C14orf39: variants seen among roughly 807,000 people sequenced by gnomAD.
The protein encoded by C14orf39 is chromosome 14 open reading frame 39.
A neutral mutation model predicts 85.6 loss-of-function variants in C14orf39; 66 were observed. The ratio of observed to expected loss-of-function variants is 0.77; its 90% CI spans 0.63 to 0.95. The LOEUF is 0.95. Ranked by LOEUF, C14orf39 falls within the 40% of genes least tolerant of loss-of-function variation. The pLI, the probability that C14orf39 is intolerant of heterozygous loss-of-function variation, is 0.00. For synonymous variants in C14orf39, 242 were observed against 214.0 expected, an observed-to-expected ratio of 1.13 and a Z score of -1.14; for missense variants, 735 against 663.9, an observed-to-expected ratio of 1.11 and a Z score of -1.18.
chr14:60,458,707 G>T lies in C14orf39; in HGVS notation c.1150C>A (p.Gln384Lys). 1.2e-6 allele frequency: 2 copies of T among 1,602,474 alleles called. No homozygotes were observed. Among genetic ancestry groups the T allele is most frequent in the Non-Finnish European group, 8.5e-7 (1 of 1,174,124 alleles). ...AEYGDKGTVR[Q>K]VRESKCTSQA... is the part of the protein sequence containing the mutation. ...GAAGTACATTTTGATTCTCTTACTT[G>T]TCTTACTGTCCCTTTATCTCCATAC... Residue 384 changes from glutamine to lysine, a missense_variant, in exon 14 of 18, where the codon CAA (glutamine) becomes AAA (lysine). Gln to Lys is a moderately conservative substitution (Grantham distance 53). Coordinates refer to ENST00000321731, the MANE Select transcript of C14orf39 (RefSeq NM_174978.3).
chr14:60,500,319 G>T (rs538277901), intron 1 of C14orf39, among the ~76,000 whole-genome samples: 2 of 152,308 alleles, frequency 1.3e-5, no homozygotes, highest in East Asian at 3.9e-4. Flanking sequence ...CAGCCACCAC[G>T]CCTGGCTGGG....
chr14:60,460,897 C>T (rs1439750067), intron 13 of C14orf39, among the ~76,000 whole-genome samples: 3 of 151,068 alleles, frequency 2.0e-5, no homozygotes, highest in African/African-American at 4.9e-5. Context: ...GAAAAAAAAC[C>T]AAAATATTCC....
Position 60,491,978 on chromosome 14 carries a change from C to T in C14orf39, c.-8-6892G>A, listed in dbSNP as rs1892996099. ...CACCAGGTACAACTACAGGTGCTTCCCTATTGATCATGTATTTACAAGCCA... is the reference window on the plus strand; with the variant it reads ...CACCAGGTACAACTACAGGTGCTTCTCTATTGATCATGTATTTACAAGCCA... On this transcript the variant is annotated intron_variant, in intron 2 of 5. Coordinates refer to the C14orf39 transcript ENST00000556799. This position sits in a 1 kb window ranked among gnomAD's most constrained non-coding sequence, Gnocchi z 4.5. Among the ~76,000 whole-genome samples, 1 of 152,076 alleles carries T rather than the reference C, an allele frequency of 6.6e-6. No individual in the cohort carries two copies. Among genetic ancestry groups the T allele is most frequent in the African/African-American group, 2.4e-5 (1 of 41,404 alleles).
intron 5 of C14orf39, among the ~76,000 whole-genome samples, chr14:60,473,545 G>T (rs1050799923): frequency 6.6e-6 from 1 of 152,062 alleles, no homozygotes; most frequent in Non-Finnish European, 1.5e-5. Flanking sequence ...GGTCTAACAT[G>T]TAAGTCTTTA....
intron 13 of C14orf39, among the ~76,000 whole-genome samples, chr14:60,459,141 A>G (rs1891407040): frequency 6.6e-6 from 1 of 151,802 alleles, no homozygotes; most frequent in South Asian, 2.1e-4. Context: ...ATAAAATAAC[A>G]TATGTATGCT....
chr14:60,451,058 C>A (rs936570565), intron 16 of C14orf39, among the ~76,000 whole-genome samples: 11 of 152,136 alleles, frequency 7.2e-5, no homozygotes, highest in Non-Finnish European at 1.6e-4. Context: ...TAGACACCAA[C>A]AACAACTACA....
At chr14:60,482,879 G>GGTGTGTGT (rs60206941) in intron 4 of C14orf39, among the ~76,000 whole-genome samples, 8,069 of 146,540 alleles carry the variant, frequency 0.055, 285 homozygotes, top group East Asian at 0.075. Context: ...TATATAGACA[G>GGTGTGTGT]GTGTGTGTGT....
intron 2 of C14orf39, among the ~76,000 whole-genome samples, chr14:60,497,255 G>A (rs1893080999): frequency 6.6e-6 from 1 of 152,156 alleles, no homozygotes; most frequent in Non-Finnish European, 1.5e-5. Context: ...AGCAATGTCT[G>A]TTATAAACTC....
intron 17 of C14orf39, among the ~76,000 whole-genome samples, chr14:60,437,468 A>G (rs1890309199): frequency 1.3e-5 from 2 of 152,000 alleles, no homozygotes; most frequent in African/African-American, 4.8e-5. Context: ...GCTTGGAAAG[A>G]TTGCTGAATA....
intron 5 of C14orf39, among the ~76,000 whole-genome samples, chr14:60,475,751 T>C (rs1429416397): frequency 6.6e-6 from 1 of 152,138 alleles, no homozygotes; most frequent in African/African-American, 2.4e-5. Context: ...ACATTGAAAA[T>C]GTTAAATCCA....
chr14:60,438,845 G>A (rs944194351), intron 17 of C14orf39, among the ~76,000 whole-genome samples: 20 of 152,172 alleles, frequency 1.3e-4, no homozygotes, highest in Non-Finnish European at 2.6e-4. Flanking sequence ...GACACACTGA[G>A]TTCCAGAGTC....
chr14:60,492,948 C>T (rs1893013069), intron 2 of C14orf39, among the ~76,000 whole-genome samples: 1 of 151,998 alleles, frequency 6.6e-6, no homozygotes, highest in Admixed American at 6.6e-5. Context: ...GTACGTGAAC[C>T]TGTGATAGAA....
At chr14:60,461,105 C>T (rs1351929558) in intron 13 of C14orf39, among the ~76,000 whole-genome samples, 1 of 151,784 alleles carries the variant, frequency 6.6e-6, no homozygotes, top group African/African-American at 2.4e-5. Flanking sequence ...AAATGGTATG[C>T]ACCAGTATTT....
intron 17 of C14orf39, among the ~76,000 whole-genome samples, chr14:60,441,736 A>G (rs1374300415): frequency 6.6e-6 from 1 of 152,204 alleles, no homozygotes. Context: ...AATAAAAAGT[A>G]TCAAAGAGAG....
intron 17 of C14orf39, among the ~76,000 whole-genome samples, chr14:60,440,941 T>C (rs976022512): frequency 1.1e-4 from 16 of 152,206 alleles, no homozygotes. Context: ...ATGCCTTTCC[T>C]GACTCCTTGC....
At chr14:60,471,793 T>C (rs1892099665) in intron 5 of C14orf39, 54 bp from the exon 6 acceptor site, 3 of 1,047,304 alleles carry the variant, frequency 2.9e-6, no homozygotes, top group Non-Finnish European at 2.8e-6. Context: ...TCTAAAAACT[T>C]TGTGAATACA....
chr14:60,437,694 C>T (rs1228125527), intron 17 of C14orf39, among the ~76,000 whole-genome samples: 1 of 151,872 alleles, frequency 6.6e-6, no homozygotes, highest in South Asian at 2.1e-4. Flanking sequence ...ACCTTAGGTA[C>T]AATCATAGTG....
At chr14:60,494,825 G>C (rs1259959491) in intron 2 of C14orf39, 1 of 152,782 alleles carries the variant, frequency 6.5e-6, no homozygotes, top group African/African-American at 2.4e-5. Flanking sequence ...TGGATTCTAG[G>C]GGGAGGTGCA....
intron 2 of C14orf39, chr14:60,495,070 T>G (rs924327323): frequency 9.9e-5 from 23 of 231,658 alleles, no homozygotes; most frequent in Non-Finnish European, 1.7e-4. Context: ...TGTGTTGGAC[T>G]GGTGAACCCC....
Sources: gnomAD v4.1 joint callset for allele counts (sites outside exome capture counted in the v4.1 genomes callset) on GRCh38, gnomAD v4.1.1 for gene constraint, Gnocchi (gnomAD v3.1) non-coding constraint, MANE v1.5 for transcripts, NCBI Gene and HGNC (gene_info 2026-07-23, HGNC 2026-07-21) for gene names.